The following SYT1 variants were observed in gnomAD, a reference collection of about 807,000 sequenced individuals.
SYT1 encodes the protein synaptotagmin-1.
In SYT1, 8 loss-of-function variants were observed where a neutral mutation model predicts 44.8. The ratio of observed to expected loss-of-function variants is 0.18; its 90% CI spans 0.10 to 0.32. SYT1 has a LOEUF of 0.32. Among genes scored for constraint, SYT1 ranks in the 10% least tolerant of loss-of-function variants. The pLI is 1.00. For synonymous variants in SYT1, 154 were observed against 188.8 expected (o/e 0.82, Z 1.51); for missense variants, 286 against 509.3 (o/e 0.56, Z 4.22).
chr12:78,955,800 TTG>T (rs60111282), intron 1 of SYT1, among the ~76,000 whole-genome samples: 23,643 of 138,310 alleles, frequency 0.17, 2,087 homozygotes, highest in Non-Finnish European at 0.23. Context: ...GCCAAGATAT[TTG>T]TGTGTGTGTG....
At chr12:79,445,893 T>C (rs1290320574) in intron 10 of SYT1, among the ~76,000 whole-genome samples, 2 of 144,352 alleles carry the variant, frequency 1.4e-5, no homozygotes, top group Non-Finnish European at 3.0e-5. Context: ...AAATATATAT[T>C]TTATATATAT....
At chr12:78,994,390 A>T (rs1870219781) in intron 2 of SYT1, among the ~76,000 whole-genome samples, 1 of 151,958 alleles carries the variant, frequency 6.6e-6, no homozygotes, top group Non-Finnish European at 1.5e-5. Context: ...TAAGACATTC[A>T]CTGAATAGTC....
chr12:79,065,153 G>A (rs1350301082), intron 3 of SYT1, among the ~76,000 whole-genome samples: 25 of 152,052 alleles, frequency 1.6e-4, no homozygotes, highest in African/African-American at 4.8e-4. Context: ...TGGGTGAATC[G>A]CTTCAGCCCA....
chr12:79,205,470 G>C (rs1268287785), intron 3 of SYT1, among the ~76,000 whole-genome samples: 2 of 152,044 alleles, frequency 1.3e-5, no homozygotes, highest in Non-Finnish European at 2.9e-5. Flanking sequence ...TTTATTTATA[G>C]AGAAATGAAT....
chr12:79,414,378 T>C (rs1868608423), intron 9 of SYT1, among the ~76,000 whole-genome samples: 1 of 152,126 alleles, frequency 6.6e-6, no homozygotes, highest in Non-Finnish European at 1.5e-5. Flanking sequence ...TGTGTGTGTG[T>C]TGGCAGGTGG....
At chr12:78,986,937 T>A (rs1437741899) in intron 2 of SYT1, among the ~76,000 whole-genome samples, 4 of 152,050 alleles carry the variant, frequency 2.6e-5, no homozygotes, top group African/African-American at 9.7e-5. Context: ...ATAGTTACGA[T>A]GCAGAACTGA....
At chr12:79,356,718 A>G (rs1048999701) in intron 9 of SYT1, among the ~76,000 whole-genome samples, 1 of 152,222 alleles carries the variant, frequency 6.6e-6, no homozygotes, top group Non-Finnish European at 1.5e-5. Flanking sequence ...ACATTGCACA[A>G]GTTATTTATT....
intron 8 of SYT1, among the ~76,000 whole-genome samples, chr12:79,343,269 C>T (rs978386139): frequency 2.6e-5 from 4 of 152,136 alleles, no homozygotes; most frequent in African/African-American, 7.2e-5. Flanking sequence ...TGATTGTAAC[C>T]AATTTCTTCA....
At chr12:79,395,014 T>G (rs954887063) in intron 9 of SYT1, among the ~76,000 whole-genome samples, 3 of 152,196 alleles carry the variant, frequency 2.0e-5, no homozygotes, top group African/African-American at 7.2e-5. Flanking sequence ...TATATTATTT[T>G]TTAAGGCCAA....
intron 8 of SYT1, among the ~76,000 whole-genome samples, chr12:79,311,344 C>T (rs911181125): frequency 2.6e-5 from 4 of 151,596 alleles, no homozygotes; most frequent in East Asian, 1.9e-4. Context: ...GTTAGAATGG[C>T]AATCATTAAA....
Position 78,992,257 on chromosome 12 carries a change from T to A in SYT1, c.-84+14326T>A, listed in dbSNP as rs1317989155. 2.0e-5 allele frequency among the ~76,000 whole-genome samples: 3 copies of A among 152,366 alleles called. No homozygotes were observed. In the East Asian group the frequency reaches 5.8e-4, roughly 29 times the overall value. On this transcript the variant is annotated intron_variant, in intron 2 of 10. Transcript: ENST00000261205. Reference sequence around the variant, plus strand: ...GACTAAGCTCTCCAACGTATTGTCCTTTATACACAATAATTAAAAAGAGTC... The same window carrying A: ...GACTAAGCTCTCCAACGTATTGTCCATTATACACAATAATTAAAAAGAGTC...
intron 3 of SYT1, among the ~76,000 whole-genome samples, chr12:79,168,045 C>T (rs1871315898): frequency 1.3e-5 from 2 of 152,092 alleles, no homozygotes; most frequent in African/African-American, 4.8e-5. Context: ...CTGCCACTCA[C>T]CTCCTGCTGT....
rs559661015 is a variant in SYT1 at position 79,069,732 on chromosome 12, C to T, written c.-18+22370C>T. ...AAGGATATAGTCAGATGTTAAAATC[C>T]CTTTCTGGATCTCAGTCCTCTTGGC... is the stretch of plus-strand genomic sequence containing the variant. On this transcript the variant is annotated intron_variant, in intron 3 of 10. Transcript: ENST00000261205. Among the ~76,000 whole-genome samples the T allele has an allele frequency of 3.9e-4, 59 of 152,044 alleles. No homozygotes were observed. In the South Asian group the frequency reaches 9.8e-3, roughly 25 times the overall value.
At chr12:79,008,849 G>C (rs749571144) in intron 2 of SYT1, among the ~76,000 whole-genome samples, 1 of 152,108 alleles carries the variant, frequency 6.6e-6, no homozygotes, top group Non-Finnish European at 1.5e-5. Context: ...GTCTAGCATA[G>C]CTTGAAGTAC....
At chr12:79,395,639 G>C (rs1022961546) in intron 9 of SYT1, among the ~76,000 whole-genome samples, 1 of 151,892 alleles carries the variant, frequency 6.6e-6, no homozygotes, top group Non-Finnish European at 1.5e-5. Flanking sequence ...CTCCTGCCTT[G>C]GCCTCCCAAA....
At chr12:78,956,272 A>C (rs1212236037) in intron 1 of SYT1, among the ~76,000 whole-genome samples, 1 of 152,096 alleles carries the variant, frequency 6.6e-6, no homozygotes, top group African/African-American at 2.4e-5. Flanking sequence ...TTTTAACATA[A>C]GATATTAATA....
At chr12:79,024,947 A>G (rs189095894) in intron 2 of SYT1, among the ~76,000 whole-genome samples, 1 of 151,894 alleles carries the variant, frequency 6.6e-6, no homozygotes, top group Admixed American at 6.6e-5. Context: ...TGCTGCATTT[A>G]TTGTGACCTT....
chr12:78,874,454 G>A (rs973452767), intron 1 of SYT1, among the ~76,000 whole-genome samples: 5 of 151,544 alleles, frequency 3.3e-5, no homozygotes, highest in African/African-American at 1.2e-4. Context: ...AACTTAGAGA[G>A]CTGGATTCAG....
intron 4 of SYT1, among the ~76,000 whole-genome samples, chr12:79,230,015 G>T (rs559347510): frequency 6.6e-6 from 1 of 152,256 alleles, no homozygotes; most frequent in South Asian, 2.1e-4. Context: ...CATGGTCACA[G>T]GACCCTACAC....
Sources: allele counts gnomAD v4.1 joint callset (sites outside exome capture counted in the v4.1 genomes callset), GRCh38; gene constraint gnomAD v4.1.1; transcripts MANE v1.5; gene names NCBI Gene and HGNC (gene_info 2026-07-23, HGNC 2026-07-21).